Variants in CADPS2 observed in about 807,000 individuals in gnomAD.
The protein encoded by CADPS2 is calcium dependent secretion activator 2, also known as calcium-dependent secretion activator 2.
A neutral mutation model predicts 172.5 loss-of-function variants in CADPS2; 93 were observed. The ratio of observed to expected loss-of-function variants is 0.54; its 90% CI spans 0.46 to 0.64. CADPS2 has a LOEUF of 0.64. CADPS2 is among the 30% of genes least tolerant of loss of function. The pLI, the probability that CADPS2 is intolerant of heterozygous loss-of-function variation, is 0.00. For missense variants in CADPS2, 1,420 were observed against 1,565.9 expected, an observed-to-expected ratio of 0.91 and a Z score of 1.57; for synonymous variants, 546 against 555.2, an observed-to-expected ratio of 0.98 and a Z score of 0.23.
chr7:122,749,336 C>G (rs2092850113), intron 1 of CADPS2, among the ~76,000 whole-genome samples: 1 of 152,032 alleles, frequency 6.6e-6, no homozygotes, highest in South Asian at 2.1e-4. Context: ...TGATTAAAAC[C>G]AAGGATTTGT....
At chr7:122,631,307 C>T (rs2076552824) in intron 3 of CADPS2, among the ~76,000 whole-genome samples, 1 of 152,182 alleles carries the variant, frequency 6.6e-6, no homozygotes, top group Admixed American at 6.5e-5. Flanking sequence ...CACAGTTTTT[C>T]AAACTTCACT....
In CADPS2 at chr7:122,820,554, T is replaced by A. The variant is rs1419093259; in HGVS notation, c.339+65445A>T. 2.2e-4 allele frequency among the ~76,000 whole-genome samples: 26 copies of A among 118,810 alleles called. 1 individual carries two copies. Among genetic ancestry groups the A allele is most frequent in the Non-Finnish European group, 4.1e-4 (24 of 58,912 alleles). 77.9% of individuals were successfully genotyped at this position (118,810 alleles called of 152,430 possible). A position where few individuals can be genotyped will look rare whatever the true frequency, so the allele number is the denominator to read the frequency against. On this transcript the variant is annotated intron_variant, in intron 1 of 29. Coordinates refer to ENST00000449022, the MANE Select transcript of CADPS2 (RefSeq NM_017954.11). ...ACTTGACCTTACTGTTTTTTGTTTT[T>A]TGTTTTTTTTTTTTTTTTTTTTTGA... is the stretch of plus-strand genomic sequence containing the variant.
At chr7:122,637,495 C>T (rs968385169) in intron 3 of CADPS2, among the ~76,000 whole-genome samples, 1 of 152,124 alleles carries the variant, frequency 6.6e-6, no homozygotes, top group African/African-American at 2.4e-5. Flanking sequence ...GAAGTAAATT[C>T]TTCAATTCCA....
intron 17 of CADPS2, among the ~76,000 whole-genome samples, chr7:122,428,637 T>C (rs538134864): frequency 2.0e-5 from 3 of 151,976 alleles, no homozygotes; most frequent in South Asian, 2.1e-4. Context: ...CTGGCTAAGT[T>C]TGTATTTTTT....
intron 1 of CADPS2, among the ~76,000 whole-genome samples, chr7:122,869,218 TATG>T (rs1234242239): frequency 6.6e-6 from 1 of 152,072 alleles, no homozygotes; most frequent in East Asian, 1.9e-4. Flanking sequence ...GGACACCTAA[TATG>T]ATGAATCCAG....
rs1342769937 is a variant in CADPS2 at position 122,364,545 on chromosome 7, T to C, written c.3388-3532A>G. 2.0e-5 allele frequency among the ~76,000 whole-genome samples: 3 copies of C among 149,852 alleles called. No homozygotes were observed. The East Asian group carries it at 5.9e-4, about 30-fold the overall frequency. ...ATCGAGACCATCCTGGCTAACACAGTGAAACCTCATCTCTACTAAAAATAC... is the reference window on the plus strand; with the variant it reads ...ATCGAGACCATCCTGGCTAACACAGCGAAACCTCATCTCTACTAAAAATAC... On this transcript the variant is annotated intron_variant, in intron 25 of 29. Coordinates refer to ENST00000449022, the MANE Select transcript of CADPS2 (RefSeq NM_017954.11).
At chr7:122,504,426 C>G (rs1434401439) in intron 9 of CADPS2, among the ~76,000 whole-genome samples, 1 of 152,136 alleles carries the variant, frequency 6.6e-6, no homozygotes, top group African/African-American at 2.4e-5. Context: ...ACCTGATTGA[C>G]TTGGGGATTG....
intron 3 of CADPS2, among the ~76,000 whole-genome samples, chr7:122,649,705 C>T (rs2078931406): frequency 6.6e-6 from 1 of 152,102 alleles, no homozygotes; most frequent in African/African-American, 2.4e-5. Flanking sequence ...CCCAGTAATG[C>T]ACTGATCAAC....
chr7:122,734,883 G>A (rs1162910581), intron 2 of CADPS2, among the ~76,000 whole-genome samples: 4 of 151,992 alleles, frequency 2.6e-5, no homozygotes, highest in Non-Finnish European at 2.9e-5. Context: ...ATAGTTTCAC[G>A]ACTAAACACT....
At chr7:122,598,233 A>G (rs1016488431) in intron 6 of CADPS2, among the ~76,000 whole-genome samples, 4 of 152,094 alleles carry the variant, frequency 2.6e-5, no homozygotes, top group East Asian at 3.9e-4. Context: ...CCTTTGCTAC[A>G]AAGATTTTTT....
At chr7:122,596,109 C>A (rs1034647221) in intron 6 of CADPS2, among the ~76,000 whole-genome samples, 1 of 152,074 alleles carries the variant, frequency 6.6e-6, no homozygotes, top group Non-Finnish European at 1.5e-5. Flanking sequence ...GTGAGCACTA[C>A]CCACATGTTA....
intron 6 of CADPS2, among the ~76,000 whole-genome samples, chr7:122,613,625 C>T (rs73218238): frequency 0.036 from 5,510 of 151,232 alleles, 139 homozygotes; most frequent in Non-Finnish European, 0.059. Context: ...GAAAGTAAAT[C>T]AGTGGTTGGT....
chr7:122,440,221 A>G (rs1456651039), intron 16 of CADPS2: 2 of 152,276 alleles, frequency 1.3e-5, no homozygotes, highest in Non-Finnish European at 1.5e-5. Flanking sequence ...CCACCTGTCA[A>G]TGGAGGGCAG....
intron 1 of CADPS2, among the ~76,000 whole-genome samples, chr7:122,872,207 AG>A: frequency 6.6e-6 from 1 of 152,248 alleles, no homozygotes. Context: ...GGAAAGAAAA[AG>A]GATAAAGTTC....
In CADPS2 at chr7:122,451,368, A is replaced by G. The variant is rs762617666; in HGVS notation, c.2288+6T>C. On this transcript the variant is annotated splice_donor_region_variant and intron_variant, in intron 15 of 29. Transcript: ENST00000449022. ...GAAATATTTATATTAATAAAAAAAT[A>G]TATACCTGAAATGGCTTATCTGATT... 7.3e-7 allele frequency: 1 copy of G among 1,369,622 alleles called. No homozygotes were observed. The highest frequency in any genetic ancestry group is 9.9e-7 in the Non-Finnish European group (1 of 1,010,940). 84.8% of individuals were successfully genotyped at this position (1,369,622 alleles called of 1,614,324 possible).
At chr7:122,360,583 T>G (rs1039397319) in intron 27 of CADPS2, among the ~76,000 whole-genome samples, 2 of 152,204 alleles carry the variant, frequency 1.3e-5, no homozygotes, top group African/African-American at 4.8e-5. Flanking sequence ...ACTGATCTCC[T>G]TAAGAGTTTC....
intron 1 of CADPS2, among the ~76,000 whole-genome samples, chr7:122,786,559 G>C (rs752806578): frequency 2.0e-5 from 3 of 152,132 alleles, no homozygotes; most frequent in Non-Finnish European, 4.4e-5. Flanking sequence ...ATTTAACATT[G>C]AGTGTGTTGT....
chr7:122,714,686 A>G (rs958099530), intron 2 of CADPS2, among the ~76,000 whole-genome samples: 4 of 152,294 alleles, frequency 2.6e-5, no homozygotes, highest in Admixed American at 6.5e-5. Context: ...ACTCATAGGA[A>G]TAAGTCTATT....
chr7:122,722,138 G>T (rs1349268769), intron 2 of CADPS2, among the ~76,000 whole-genome samples: 1 of 152,042 alleles, frequency 6.6e-6, no homozygotes, highest in South Asian at 2.1e-4. Flanking sequence ...GCACAACACA[G>T]GGATGCCCTC....
Sources: allele counts gnomAD v4.1 joint callset (sites outside exome capture counted in the v4.1 genomes callset), GRCh38; gene constraint gnomAD v4.1.1; transcripts MANE v1.5; gene names NCBI Gene and HGNC (gene_info 2026-07-23, HGNC 2026-07-21).